Variants in NNT observed in about 807,000 individuals in gnomAD.
NNT encodes the protein nicotinamide nucleotide transhydrogenase.
Under a neutral mutation model 104.8 loss-of-function variants are expected in NNT, and 50 were observed. The ratio of observed to expected loss-of-function variants is 0.48; its 90% CI spans 0.38 to 0.60. NNT has a LOEUF of 0.60. NNT is among the 20% of genes least tolerant of loss of function. The probability of loss-of-function intolerance (pLI) is 0.00; values close to 1 mark genes in which losing one functional copy is unlikely to be tolerated. For synonymous variants in NNT, 461 were observed against 490.4 expected (o/e 0.94, Z 0.79); for missense variants, 1,131 against 1,330.7 (o/e 0.85, Z 2.33).
intron 7 of NNT, among the ~76,000 whole-genome samples, chr5:43,638,066 G>A (rs1056523574): frequency 1.3e-5 from 2 of 152,144 alleles, no homozygotes; most frequent in East Asian, 3.9e-4. Flanking sequence ...TCGTGATAGC[G>A]AGCTAGTTCT....
Position 43,644,596 on chromosome 5 carries a change from A to G in NNT, c.1099-15A>G. On this transcript the variant is annotated splice_polypyrimidine_tract_variant and intron_variant, in intron 8 of 21. Transcript: ENST00000344920. Reference sequence around the variant, plus strand: ...AGGGTGATAGACCTTTTTGACTATAATTTTGTTCATTTAGGGAATTACTCA... The same window carrying G: ...AGGGTGATAGACCTTTTTGACTATAGTTTTGTTCATTTAGGGAATTACTCA... 1 of 1,593,030 alleles carries G rather than the reference A, an allele frequency of 6.3e-7. No homozygotes were observed. Among genetic ancestry groups the G allele is most frequent in the Non-Finnish European group, 8.5e-7 (1 of 1,170,960 alleles).
At chr5:43,691,170 G>A (rs867625905) in intron 19 of NNT, among the ~76,000 whole-genome samples, 4 of 151,140 alleles carry the variant, frequency 2.6e-5, no homozygotes, top group East Asian at 2.0e-4. Flanking sequence ...CGCAATCTTG[G>A]CTCACTGCAA....
At chr5:43,605,602 T>C (rs996691435) in intron 1 of NNT, among the ~76,000 whole-genome samples, 5 of 151,750 alleles carry the variant, frequency 3.3e-5, no homozygotes, top group African/African-American at 9.7e-5. Context: ...TTCTTATTGC[T>C]TCAAAGCCAC....
chr5:43,603,121 G>C (rs933631612), upstream of NNT: 1 of 152,620 alleles, frequency 6.6e-6, no homozygotes, highest in Non-Finnish European at 1.5e-5. Flanking sequence ...GGGAAGGGGC[G>C]CGGGCCGAGG....
At chr5:43,693,015 G>T (rs1742368967) in intron 19 of NNT, among the ~76,000 whole-genome samples, 1 of 151,518 alleles carries the variant, frequency 6.6e-6, no homozygotes, top group Non-Finnish European at 1.5e-5. Context: ...AATTTGAATT[G>T]TTATTATACT....
chr5:43,604,190 G>T (rs1164166955), intron 1 of NNT, among the ~76,000 whole-genome samples: 2 of 152,144 alleles, frequency 1.3e-5, no homozygotes, highest in East Asian at 3.9e-4. Context: ...CTTGTTTATG[G>T]TTGCCGGTGT....
At chr5:43,651,696 C>T (rs1214911096) in intron 12 of NNT, 43 bp from the exon 13 acceptor site, 8 of 1,606,476 alleles carry the variant, frequency 5.0e-6, no homozygotes, top group Non-Finnish European at 5.1e-6. Context: ...GCTCAGTGAG[C>T]TCAAAGAGGT....
chr5:43,660,729 G>C (rs1740310628), intron 17 of NNT, among the ~76,000 whole-genome samples: 1 of 152,156 alleles, frequency 6.6e-6, no homozygotes, highest in African/African-American at 2.4e-5. Context: ...GAAGGGGAGA[G>C]AGTGAAGGGG....
intron 17 of NNT, among the ~76,000 whole-genome samples, chr5:43,670,087 C>G (rs937506349): frequency 6.6e-6 from 1 of 152,110 alleles, no homozygotes; most frequent in Non-Finnish European, 1.5e-5. Flanking sequence ...TTATAGTATT[C>G]TCTGATGGTA....
At chr5:43,633,293 T>C (rs1050922912) in intron 7 of NNT, among the ~76,000 whole-genome samples, 5 of 152,234 alleles carry the variant, frequency 3.3e-5, no homozygotes, top group Admixed American at 6.5e-5. Context: ...TTTCATTATC[T>C]GGTCCTGATT....
rs553468312 is a variant in NNT, at chr5:43,690,253, G to A, written c.2877-9866G>A. 3.0e-4 allele frequency among the ~76,000 whole-genome samples: 46 copies of A among 151,806 alleles called. 1 individual carries two copies. In the South Asian group the frequency reaches 7.9e-3, roughly 26 times the overall value. On this transcript the variant is annotated intron_variant, in intron 19 of 21. Transcript: ENST00000344920. ...TTGATTTTTTTTTTTTTAGTCCAGG[G>A]AAACTGATTTTGGACTTCTGACCTT...
intron 7 of NNT, among the ~76,000 whole-genome samples, chr5:43,642,993 T>C (rs1045087778): frequency 2.6e-5 from 4 of 152,182 alleles, no homozygotes; most frequent in Non-Finnish European, 5.9e-5. Flanking sequence ...GGTGCAAAAA[T>C]AGCTCACTGC....
intron 17 of NNT, among the ~76,000 whole-genome samples, chr5:43,670,441 G>C (rs985053601): frequency 6.6e-6 from 1 of 151,970 alleles, no homozygotes; most frequent in Admixed American, 6.6e-5. Flanking sequence ...TTCCCTCTAC[G>C]CACTGCTTTG....
rs554730005 is a variant in NNT at position 43,648,265 on chromosome 5, C to T, written c.1445-882C>T. On this transcript the variant is annotated intron_variant, in intron 10 of 21. Transcript: ENST00000344920. ...CAATCCCTAGATATTCCAGTGGTGCCACTTCCAAAGTAATAGTTTACATCA... is the reference window on the plus strand; with the variant it reads ...CAATCCCTAGATATTCCAGTGGTGCTACTTCCAAAGTAATAGTTTACATCA... 2.8e-5 allele frequency: 29 copies of T among 1,020,966 alleles called. No homozygotes were observed. In the Admixed American group the frequency reaches 8.5e-4, roughly 30 times the overall value. The allele number at this position is 1,020,966 out of a possible 1,614,324, so 63.2% of individuals were successfully genotyped here. A position where few individuals can be genotyped will look rare whatever the true frequency, so the allele number is the denominator to read the frequency against.
In NNT at chr5:43,650,548, G is replaced by A; in HGVS notation, c.1678G>A (p.Ala560Thr). 1 of 1,614,150 alleles carries A rather than the reference G, an allele frequency of 6.2e-7. No individual in the cohort carries two copies. Among genetic ancestry groups the A allele is most frequent in the African/African-American group, 1.3e-5 (1 of 75,032 alleles). The part of the protein sequence containing the change: ...LYPSTTSQGL[A>T]ALAAFISSVN... ...TCCTTCCACAACTTCTCAGGGCCTT[G>A]CTGCTCTTGCTGCATTCATATCCTC... Residue 560 changes from alanine to threonine, a missense_variant, in exon 12 of 22, where the codon GCT (alanine) becomes ACT (threonine). Ala to Thr is a moderately conservative substitution (Grantham distance 58, BLOSUM62 0). Transcript: ENST00000344920.
intron 17 of NNT, among the ~76,000 whole-genome samples, chr5:43,666,443 C>G (rs2112021231): frequency 6.6e-6 from 1 of 152,296 alleles, no homozygotes; most frequent in South Asian, 2.1e-4. Flanking sequence ...AATACGAAAA[C>G]CAGTCAGGCG....
chr5:43,609,458 G>A, intron 2 of NNT, 112 bp downstream of exon 2: 1 of 998,838 alleles, frequency 1.0e-6, no homozygotes, highest in Non-Finnish European at 1.5e-6. Flanking sequence ...GTGCTTGTGA[G>A]TGATCATTTT....
intron 14 of NNT, among the ~76,000 whole-genome samples, chr5:43,654,431 A>G (rs1261674556): frequency 6.6e-6 from 1 of 152,278 alleles, no homozygotes; most frequent in Non-Finnish European, 1.5e-5. Flanking sequence ...ATCTTCCAGT[A>G]TTTGAAAACT....
At chr5:43,684,776 T>G (rs1481499884) in intron 19 of NNT, among the ~76,000 whole-genome samples, 2 of 152,218 alleles carry the variant, frequency 1.3e-5, no homozygotes, top group Admixed American at 6.5e-5. Flanking sequence ...GATTTATAAC[T>G]GTCACCAGAA....
Sources: gnomAD v4.1 joint callset for allele counts (sites outside exome capture counted in the v4.1 genomes callset) on GRCh38, gnomAD v4.1.1 for gene constraint, MANE v1.5 for transcripts, NCBI Gene and HGNC (gene_info 2026-07-23, HGNC 2026-07-21) for gene names.